The following CNTN5 variants were observed in gnomAD, a reference collection of about 807,000 sequenced individuals.
CNTN5 encodes the protein contactin-5.
A neutral mutation model predicts 129.1 loss-of-function variants in CNTN5; 77 were observed. The ratio of observed to expected loss-of-function variants is 0.60; its 90% confidence interval spans 0.50 to 0.72. The LOEUF (loss-of-function observed/expected upper bound fraction) is 0.72, where lower values mean the gene tolerates loss of function less well. CNTN5 is among the 30% of genes least tolerant of loss of function. CNTN5 has a pLI of 0.00. For missense variants in CNTN5, 1,478 were observed against 1,328.8 expected (o/e 1.11, Z -1.75); for synonymous variants, 509 against 465.6 (o/e 1.09, Z -1.20).
intron 3 of CNTN5, among the ~76,000 whole-genome samples, chr11:99,706,733 C>T (rs1433222638): frequency 6.6e-6 from 1 of 151,076 alleles, no homozygotes; most frequent in Non-Finnish European, 1.5e-5. Flanking sequence ...TAATTTTTTT[C>T]TTGCCTGTGG....
At chr11:100,052,768 A>C (rs955398734) in intron 9 of CNTN5, among the ~76,000 whole-genome samples, 2 of 151,790 alleles carry the variant, frequency 1.3e-5, no homozygotes, top group African/African-American at 4.8e-5. Context: ...AAAAAGAAAC[A>C]AACTTAGAAG....
chr11:99,049,797 A>G (rs1168952729), intron 1 of CNTN5: 5 of 152,086 alleles, frequency 3.3e-5, no homozygotes, highest in Non-Finnish European at 5.9e-5. Context: ...GTATATCCCT[A>G]TTGTCAATTG....
At chr11:99,197,293 A>G (rs1188858139) in intron 1 of CNTN5, among the ~76,000 whole-genome samples, 2 of 151,962 alleles carry the variant, frequency 1.3e-5, no homozygotes, top group African/African-American at 2.4e-5. Context: ...ATAATAAGAT[A>G]CTTAAATAGA....
At chr11:99,186,671 T>C (rs1379429664) in intron 1 of CNTN5, among the ~76,000 whole-genome samples, 2 of 151,978 alleles carry the variant, frequency 1.3e-5, no homozygotes, top group Admixed American at 1.3e-4. Context: ...GTACCCACAT[T>C]CTCTAAGGAG....
intron 3 of CNTN5, among the ~76,000 whole-genome samples, chr11:99,637,789 ATAT>A (rs942806239): frequency 1.3e-5 from 2 of 151,502 alleles, no homozygotes; most frequent in African/African-American, 2.4e-5. Context: ...CTTATATATA[ATAT>A]TATCTACATA....
chr11:99,608,121 G>A (rs1245786168), intron 3 of CNTN5, among the ~76,000 whole-genome samples: 2 of 149,476 alleles, frequency 1.3e-5, no homozygotes, highest in Non-Finnish European at 2.9e-5. Context: ...AAAAATCACA[G>A]TGTTTGTGAA....
intron 3 of CNTN5, among the ~76,000 whole-genome samples, chr11:99,562,226 C>A (rs1948866012): frequency 1.3e-5 from 2 of 152,130 alleles, no homozygotes; most frequent in African/African-American, 4.8e-5. Flanking sequence ...GCCATCTTAT[C>A]TTAACTGAGC....
intron 2 of CNTN5, among the ~76,000 whole-genome samples, chr11:99,361,006 G>A (rs7930825): frequency 0.62 from 93,771 of 151,950 alleles, 30,459 homozygotes; most frequent in African/African-American, 0.83. Flanking sequence ...AAGAATTTCT[G>A]CTTTCCATAA....
intron 1 of CNTN5, among the ~76,000 whole-genome samples, chr11:99,196,311 ATATATAGTTTGCAT>A (rs1000761408): frequency 5.1e-4 from 77 of 152,034 alleles, no homozygotes; most frequent in African/African-American, 1.7e-3. Context: ...ATTTTGTTTA[ATATATAGTTTGCAT>A]TATAAAAACA....
intron 16 of CNTN5, among the ~76,000 whole-genome samples, chr11:100,240,475 C>T (rs1331358294): frequency 6.6e-6 from 1 of 152,220 alleles, no homozygotes; most frequent in East Asian, 1.9e-4. Flanking sequence ...CAGGAAACCA[C>T]TGACAGTTCT....
intron 1 of CNTN5, among the ~76,000 whole-genome samples, chr11:99,150,187 A>G (rs1289999272): frequency 1.3e-5 from 2 of 152,068 alleles, no homozygotes. Context: ...TTATACACTA[A>G]ATATTATTTT....
intron 2 of CNTN5, among the ~76,000 whole-genome samples, chr11:99,446,428 C>T (rs923056720): frequency 2.0e-5 from 3 of 152,100 alleles, no homozygotes; most frequent in Admixed American, 1.3e-4. Flanking sequence ...TCAGTATCAC[C>T]TCAGTTTTAA....
intron 1 of CNTN5, among the ~76,000 whole-genome samples, chr11:99,026,948 A>G (rs1315852280): frequency 1.3e-5 from 2 of 151,598 alleles, no homozygotes; most frequent in Admixed American, 6.6e-5. Context: ...GTCTTTTAAG[A>G]TTAGAAATTT....
intron 2 of CNTN5, among the ~76,000 whole-genome samples, chr11:99,432,484 T>TCTTTC: frequency 7.2e-6 from 1 of 139,278 alleles, no homozygotes; most frequent in Non-Finnish European, 1.6e-5. Flanking sequence ...TCTTTTCTTT[T>TCTTTC]CTTTTCTTTT....
At chr11:99,723,279 G>A (rs552510368) in intron 3 of CNTN5, among the ~76,000 whole-genome samples, 5 of 151,938 alleles carry the variant, frequency 3.3e-5, no homozygotes, top group African/African-American at 1.2e-4. Context: ...GGTTCCTCTC[G>A]GACAAATGTA....
rs1951204712 is a variant in CNTN5, at chr11:100,300,944, G to A, written c.2620+1548G>A. 5.3e-5 allele frequency among the ~76,000 whole-genome samples: 8 copies of A among 151,656 alleles called. No individual in the cohort carries two copies. In the South Asian group the frequency reaches 1.7e-3, roughly 31 times the overall value. ...ATTTCAGGAAACTGAGTCTCAGAGA[G>A]GTTAAGTAACATGCTCAAATTCACA... On this transcript the variant is annotated intron_variant, in intron 20 of 24. Coordinates refer to ENST00000524871, the MANE Select transcript of CNTN5 (RefSeq NM_014361.4).
chr11:99,549,869 T>C (rs1258755557), intron 2 of CNTN5, among the ~76,000 whole-genome samples: 1 of 152,150 alleles, frequency 6.6e-6, no homozygotes, highest in Non-Finnish European at 1.5e-5. Flanking sequence ...CTGATTCCAG[T>C]ATCCATTAAT....
intron 13 of CNTN5, among the ~76,000 whole-genome samples, chr11:100,081,532 A>G (rs938048225): frequency 5.3e-5 from 8 of 152,152 alleles, no homozygotes; most frequent in South Asian, 2.1e-4. Flanking sequence ...ATTCCACCCC[A>G]TCTGAACTAA....
intron 2 of CNTN5, among the ~76,000 whole-genome samples, chr11:99,352,734 A>G (rs1411276881): frequency 2.0e-5 from 3 of 152,104 alleles, no homozygotes; most frequent in Non-Finnish European, 4.4e-5. Context: ...CCTTTCCAAG[A>G]TTGTCTGGGA....
Sources: gnomAD v4.1 joint callset for allele counts (sites outside exome capture counted in the v4.1 genomes callset) on GRCh38, gnomAD v4.1.1 for gene constraint, MANE v1.5 for transcripts, NCBI Gene and HGNC (gene_info 2026-07-23, HGNC 2026-07-21) for gene names.